Variants in PARK7 observed in about 807,000 individuals in gnomAD.
The protein encoded by PARK7 is Parkinsonism associated deglycase, also known as Parkinson disease protein 7.
PARK7 carries 14 observed loss-of-function variants against 20.5 expected under a neutral mutation model. That is an observed-to-expected ratio of 0.68 (90% CI 0.45 to 1.07). PARK7 has a LOEUF of 1.07. Among genes scored for constraint, PARK7 ranks in the 50% least tolerant of loss-of-function variants. The pLI is 0.00. For synonymous variants in PARK7, 98 were observed against 84.3 expected (o/e 1.16, Z -0.89); for missense variants, 234 against 238.1 (o/e 0.98, Z 0.11).
At chr1:7,969,488 T>A in intron 4 of PARK7, 84 bp downstream of exon 4, 2 of 959,414 alleles carry the variant, frequency 2.1e-6, no homozygotes, top group Non-Finnish European at 3.3e-6. Flanking sequence ...TATGTTCTGT[T>A]AATTTTGTTA....
chr1:7,981,965 C>CTTG, intron 6 of PARK7, among the ~76,000 whole-genome samples: 2 of 84,374 alleles, frequency 2.4e-5, no homozygotes, highest in Non-Finnish European at 4.3e-5. Flanking sequence ...GCCCCCCCGC[C>CTTG]TTTTTTTTTT....
intron 5 of PARK7, among the ~76,000 whole-genome samples, chr1:7,974,645 T>C (rs1290569084): frequency 2.0e-5 from 3 of 151,002 alleles, no homozygotes; most frequent in African/African-American, 4.9e-5. Context: ...AAAAAAATTA[T>C]ATAAAAAACA....
chr1:7,970,481 C>T (rs1329206171), intron 4 of PARK7, among the ~76,000 whole-genome samples: 1 of 152,158 alleles, frequency 6.6e-6, no homozygotes, highest in Non-Finnish European at 1.5e-5. Context: ...GAGGGGCACA[C>T]CTGCAGGCAG....
chr1:7,982,456 T>TG (rs1456727317), intron 6 of PARK7, among the ~76,000 whole-genome samples: 2 of 152,314 alleles, frequency 1.3e-5, no homozygotes, highest in South Asian at 2.1e-4. Flanking sequence ...CTGGTGCTGA[T>TG]GGGGTGCATG....
At chr1:7,973,263 G>A (rs2151433768) in intron 5 of PARK7, among the ~76,000 whole-genome samples, 1 of 152,300 alleles carries the variant, frequency 6.6e-6, no homozygotes, top group Non-Finnish European at 1.5e-5. Context: ...AATTATCTCT[G>A]CCAAAGGGCA....
In PARK7 at chr1:7,974,139, C is replaced by CCT. The variant is rs1640524000; in HGVS notation, c.322+3177_322+3178insTC. Among the ~76,000 whole-genome samples, 3 of 146,482 alleles carry CCT rather than the reference C, an allele frequency of 2.0e-5. No homozygotes were observed. The South Asian group carries it at 6.7e-4, about 33-fold the overall frequency. ...AGCCTGGGCAACATAGTGAGACCCC[C>CCT]CCACCGACCTCTACAAAAAAATATT... is the stretch of plus-strand genomic sequence containing the variant. On this transcript the variant is annotated intron_variant, in intron 5 of 6. Coordinates refer to ENST00000338639, the MANE Select transcript of PARK7 (RefSeq NM_007262.5).
chr1:7,962,580 C>T (rs951460861), intron 1 of PARK7, among the ~76,000 whole-genome samples, 183 bp from the exon 2 acceptor site: 4 of 152,164 alleles, frequency 2.6e-5, no homozygotes, highest in Admixed American at 6.5e-5. Context: ...GCAATTAAAA[C>T]TGCTATACAA....
intron 6 of PARK7, among the ~76,000 whole-genome samples, chr1:7,981,627 C>T (rs972956987): frequency 6.6e-6 from 1 of 151,370 alleles, no homozygotes; most frequent in Non-Finnish European, 1.5e-5. Flanking sequence ...GGCCCTCAGG[C>T]TTGTCGTTGC....
chr1:7,982,347 G>T (rs72634217), intron 6 of PARK7, among the ~76,000 whole-genome samples: 4,999 of 152,100 alleles, frequency 0.033, 119 homozygotes, highest in Non-Finnish European at 0.05. Context: ...AAAAAATAAA[G>T]AAATAAAAAT....
chr1:7,965,368 G>C lies in PARK7; in HGVS notation c.135G>C (p.Gln45His), dbSNP rs776602132. ...GCCTGGCTGGAAAAGACCCAGTACA[G>C]TGTAGCCGTGATGTGGTCATTTGTC... is the stretch of plus-strand genomic sequence containing the variant. ...VAGLAGKDPV[Q>H]CSRDVVICPD... The change falls in exon 3 of 7, where the codon CAG (glutamine) becomes CAC (histidine). Residue 45 changes from glutamine (Q) to histidine (H), a missense_variant. Transcript: ENST00000338639. The C allele has an allele frequency of 4.3e-6, 7 of 1,614,088 alleles. No homozygotes were observed. In the African/African-American group the frequency reaches 9.3e-5, roughly 22 times the overall value.
chr1:7,983,125 A>G (rs1275753776), intron 6 of PARK7: 1 of 152,228 alleles, frequency 6.6e-6, no homozygotes, highest in African/African-American at 2.4e-5. Context: ...AGGTTTTCAG[A>G]TGAATTTTTC....
chr1:7,966,392 T>C lies in PARK7; in HGVS notation c.192+967T>C, dbSNP rs1640329580. ...GTGATTTGTTGAAACAAATTAAAAA[T>C]GACAAGCAGAAGTAAGTATTCCAGG... On this transcript the variant is annotated intron_variant, in intron 3 of 6. Coordinates refer to ENST00000338639, the MANE Select transcript of PARK7 (RefSeq NM_007262.5). 2.0e-5 allele frequency among the ~76,000 whole-genome samples: 3 copies of C among 151,784 alleles called. No homozygotes were observed. The South Asian group carries it at 6.2e-4, about 32-fold the overall frequency.
intron 3 of PARK7, among the ~76,000 whole-genome samples, chr1:7,966,366 T>C (rs1419646080): frequency 1.3e-5 from 2 of 151,798 alleles, no homozygotes; most frequent in African/African-American, 4.8e-5. Flanking sequence ...GGTATTTACA[T>C]GTGATTTGTT....
At position 7,970,950 on chromosome 1, in the gene PARK7, C is replaced by T. The variant is rs368221790; in HGVS notation, c.309C>T (p.Ala103=). The part of the protein sequence containing the change: ...KEQENRKGLI[A]AICAGPTALL... ...AGGAAAACCGGAAGGGCCTGATAGC[C>T]GCCATCTGTGCAGGTGACGTGCAGG... Residue 103 remains alanine, a synonymous_variant, in exon 5 of 7, where the codon GCC becomes GCT. Transcript: ENST00000338639. The T allele has an allele frequency of 1.4e-5, 23 of 1,614,028 alleles. No homozygotes were observed. Among genetic ancestry groups the T allele is most frequent in the African/African-American group, 1.1e-4 (8 of 74,902 alleles).
chr1:7,975,332 GAGTGGAC>G (rs2151435213), intron 5 of PARK7, among the ~76,000 whole-genome samples: 1 of 152,280 alleles, frequency 6.6e-6, no homozygotes, highest in East Asian at 1.9e-4. Context: ...GGAGTTGGAG[GAGTGGAC>G]AGTTGTCAGC....
intron 5 of PARK7, among the ~76,000 whole-genome samples, chr1:7,973,364 G>A (rs145947052): frequency 1.3e-5 from 2 of 152,356 alleles, no homozygotes; most frequent in African/African-American, 4.8e-5. Context: ...CTGCTGCTGT[G>A]AAGCAAGCCT....
At position 7,985,168 on chromosome 1, in the gene PARK7, A is replaced by C; in HGVS notation, c.*114A>C. 7.0e-7 allele frequency: 1 copy of C among 1,428,872 alleles called. No homozygotes were observed. The allele number at this position is 1,428,872 out of a possible 1,614,324, so 88.5% of individuals were successfully genotyped here. The stretch of plus-strand genomic sequence containing the variant: ...AATGTGTTCAGAAGTCGCTGTCCTT[A>C]CTACTTTTGCGGAAGTATGGAAGTC... On this transcript the variant is annotated 3_prime_UTR_variant, in exon 7 of 7. Transcript: ENST00000338639.
At chr1:7,980,475 G>A (rs1640687967) in intron 6 of PARK7, among the ~76,000 whole-genome samples, 1 of 152,260 alleles carries the variant, frequency 6.6e-6, no homozygotes, top group East Asian at 1.9e-4. Context: ...GTTCCCGTAC[G>A]TTATCTTGGT....
chr1:7,975,068 C>G (rs939460741), intron 5 of PARK7, among the ~76,000 whole-genome samples: 2 of 151,998 alleles, frequency 1.3e-5, no homozygotes, highest in African/African-American at 4.8e-5. Context: ...GTTAGCCAGG[C>G]TGGTCTCGAA....
Sources: gnomAD v4.1 joint callset for allele counts (sites outside exome capture counted in the v4.1 genomes callset) on GRCh38, gnomAD v4.1.1 for gene constraint, MANE v1.5 for transcripts, NCBI Gene and HGNC (gene_info 2026-07-23, HGNC 2026-07-21) for gene names.